Variants in PLCG2 observed in about 807,000 individuals in gnomAD.
PLCG2 encodes 1-phosphatidylinositol 4,5-bisphosphate phosphodiesterase gamma-2.
PLCG2 carries 69 observed loss-of-function variants against 175.6 expected under a neutral mutation model. That is an observed-to-expected ratio of 0.39 (90% CI 0.32 to 0.48). The LOEUF (loss-of-function observed/expected upper bound fraction) is 0.48. PLCG2 is among the 20% of genes least tolerant of loss of function. The pLI, the probability that PLCG2 is intolerant of heterozygous loss-of-function variation, is 0.91. For synonymous variants in PLCG2, 827 were observed against 624.0 expected, an observed-to-expected ratio of 1.33 and a Z score of -4.85; for missense variants, 1,798 against 1,650.9, an observed-to-expected ratio of 1.09 and a Z score of -1.54.
rs114413745 is a variant in PLCG2, at chr16:81,815,465, C to T, written c.193+29283C>T. On this transcript the variant is annotated intron_variant, in intron 2 of 32. Transcript: ENST00000564138. ...ACTGCAGGGGCTGAGAGACCACCCCCTAGAGGCTTCCTCATTTGCATCTTT... is the reference window on the plus strand; with the variant it reads ...ACTGCAGGGGCTGAGAGACCACCCCTTAGAGGCTTCCTCATTTGCATCTTT... 2.7e-3 allele frequency among the ~76,000 whole-genome samples: 404 copies of T among 152,310 alleles called. 2 individuals are homozygous for T. The highest frequency in any genetic ancestry group is 8.9e-3 in the African/African-American group (371 of 41,574).
intron 12 of PLCG2, chr16:81,895,528 C>A (rs1019691605): frequency 2.8e-6 from 1 of 351,750 alleles, no homozygotes; most frequent in Non-Finnish European, 5.3e-6. Context: ...CCACTGCACT[C>A]CAGCCTGGGC....
chr16:81,957,810 C>A (rs979015469), intron 32 of PLCG2, 146 bp from the exon 33 acceptor site: 2 of 673,418 alleles, frequency 3.0e-6, no homozygotes, highest in Non-Finnish European at 5.3e-6. Flanking sequence ...TTACCAGGAA[C>A]TTGGAGTCTG....
chr16:81,808,587 A>G (rs957029327), intron 2 of PLCG2, among the ~76,000 whole-genome samples: 4 of 151,978 alleles, frequency 2.6e-5, no homozygotes, highest in Non-Finnish European at 4.4e-5. Flanking sequence ...TCCGCCTCCC[A>G]GATTCAAGCC....
chr16:81,743,695 T>A (rs1909644778), intron 1 of PLCG2, among the ~76,000 whole-genome samples: 1 of 152,160 alleles, frequency 6.6e-6, no homozygotes, highest in Non-Finnish European at 1.5e-5. Context: ...TATGCAGGGC[T>A]CCTGTGGGAG....
intron 2 of PLCG2, among the ~76,000 whole-genome samples, chr16:81,798,269 A>T (rs4889386): frequency 0.2 from 30,676 of 152,084 alleles, 3,919 homozygotes; most frequent in East Asian, 0.68. Flanking sequence ...CCATGCTGCC[A>T]TATGTCTCCT....
At chr16:81,831,492 C>T (rs895409606) in intron 2 of PLCG2, among the ~76,000 whole-genome samples, 2 of 152,208 alleles carry the variant, frequency 1.3e-5, no homozygotes, top group Admixed American at 6.5e-5. Context: ...AACTGGCCCT[C>T]TCTATTTGTC....
rs778378424 is a variant in PLCG2, at chr16:81,785,980, G to A, written c.-10G>A. ...TCCCGATTCCTTCCTTCTCCCTGGA[G>A]CGGCCGACAATGTCCACCACGGTCA... On this transcript the variant is annotated 5_prime_UTR_variant, in exon 2 of 33. Coordinates refer to ENST00000564138, the MANE Select transcript of PLCG2 (RefSeq NM_002661.5). The A allele has an allele frequency of 4.3e-6, 7 of 1,610,756 alleles. No individual in the cohort carries two copies. The South Asian group carries it at 7.7e-5, about 18-fold the overall frequency.
intron 17 of PLCG2, 109 bp downstream of exon 17, chr16:81,908,700 AT>A: frequency 1.1e-6 from 1 of 921,802 alleles, no homozygotes; most frequent in Admixed American, 2.9e-5. Context: ...TGGGACCTGA[AT>A]CCCAGGCTTC....
intron 1 of PLCG2, among the ~76,000 whole-genome samples, chr16:81,784,016 T>A (rs963491043): frequency 2.0e-5 from 3 of 152,194 alleles, no homozygotes; most frequent in Non-Finnish European, 2.9e-5. Flanking sequence ...TTCTTGCTGC[T>A]CTCTGCCCGC....
rs367884906 is a variant in PLCG2, at chr16:81,910,710, G to A, written c.1924G>A (p.Glu642Lys). ...TDPVPNPNPH[E>K]SKPWYYDSLS... Reference sequence around the variant, plus strand: ...CCCTGTGCCCAACCCCAACCCCCACGAGTCCAAGCCGTACGTGTCTGAGGG... The same window carrying A: ...CCCTGTGCCCAACCCCAACCCCCACAAGTCCAAGCCGTACGTGTCTGAGGG... Residue 642 changes from glutamate (E) to lysine (K), a missense_variant, in exon 18 of 33, where the codon GAG becomes AAG. Glu to Lys is a moderately conservative substitution (Grantham distance 56, BLOSUM62 1). Transcript: ENST00000564138. 4 of 1,608,782 alleles carry A rather than the reference G, an allele frequency of 2.5e-6. No individual in the cohort carries two copies. The highest frequency in any genetic ancestry group is 1.7e-5 in the Admixed American group (1 of 60,000).
At chr16:81,899,839 T>A (rs1479275144) in intron 13 of PLCG2, among the ~76,000 whole-genome samples, 1 of 152,206 alleles carries the variant, frequency 6.6e-6, no homozygotes, top group African/African-American at 2.4e-5. Context: ...ATCAGGTGTC[T>A]TTAAACAGAA....
chr16:81,836,359 G>T (rs1260674217), intron 2 of PLCG2, among the ~76,000 whole-genome samples: 1 of 152,174 alleles, frequency 6.6e-6, no homozygotes, highest in Admixed American at 6.5e-5. Context: ...ATTCCCACTG[G>T]TGGAGCCAAG....
intron 14 of PLCG2, among the ~76,000 whole-genome samples, chr16:81,904,910 C>A (rs900137759): frequency 6.6e-6 from 1 of 152,124 alleles, no homozygotes; most frequent in African/African-American, 2.4e-5. Context: ...TTTACTGGGA[C>A]AGAGTCTCAC....
intron 21 of PLCG2, among the ~76,000 whole-genome samples, chr16:81,922,473 A>G (rs965177384): frequency 1.3e-5 from 2 of 152,260 alleles, no homozygotes; most frequent in Non-Finnish European, 2.9e-5. Flanking sequence ...AAGAAGTGCA[A>G]GCTGTTGTCA....
chr16:81,939,628 T>C (rs951140783), intron 29 of PLCG2, among the ~76,000 whole-genome samples: 1 of 152,164 alleles, frequency 6.6e-6, no homozygotes, highest in Non-Finnish European at 1.5e-5. Flanking sequence ...CCCGTTCCCT[T>C]GTCCCTGATC....
intron 31 of PLCG2, among the ~76,000 whole-genome samples, chr16:81,951,498 T>C (rs1439480786): frequency 3.3e-5 from 5 of 152,326 alleles, no homozygotes; most frequent in Admixed American, 6.5e-5. Flanking sequence ...TAGTTTTGTC[T>C]TCATTTAAAT....
chr16:81,923,713 C>T, intron 22 of PLCG2, 119 bp downstream of exon 22: 4 of 614,718 alleles, frequency 6.5e-6, no homozygotes, highest in Non-Finnish European at 1.2e-5. Flanking sequence ...TGGCTTTGAC[C>T]TCTTGTGTTA....
chr16:81,937,192 G>C (rs1910752009), intron 27 of PLCG2, among the ~76,000 whole-genome samples: 1 of 152,218 alleles, frequency 6.6e-6, no homozygotes, highest in Non-Finnish European at 1.5e-5. Context: ...CAAATAGGTG[G>C]AGGTTGGAGT....
At chr16:81,833,432 A>C (rs963920103) in intron 2 of PLCG2, among the ~76,000 whole-genome samples, 1 of 150,198 alleles carries the variant, frequency 6.7e-6, no homozygotes, top group South Asian at 2.1e-4. Flanking sequence ...GTGGGTGAGG[A>C]GGAGGCACCT....
Sources: gnomAD v4.1 joint callset for allele counts (sites outside exome capture counted in the v4.1 genomes callset) on GRCh38, gnomAD v4.1.1 for gene constraint, MANE v1.5 for transcripts, NCBI Gene and HGNC (gene_info 2026-07-23, HGNC 2026-07-21) for gene names.